ZMIZ1: variants seen among roughly 807,000 people sequenced by gnomAD.
ZMIZ1 encodes the protein zinc finger MIZ domain-containing protein 1.
A neutral mutation model predicts 113.9 loss-of-function variants in ZMIZ1; 17 were observed. The observed-to-expected ratio is 0.15, with a 90% CI of 0.10 to 0.22. ZMIZ1 has a LOEUF of 0.22. ZMIZ1 is among the 10% of genes least tolerant of loss of function. The pLI is 1.00. For synonymous variants in ZMIZ1, 607 were observed against 603.1 expected (o/e 1.01, Z -0.09); for missense variants, 1,059 against 1,477.8 (o/e 0.72, Z 4.65).
chr10:79,236,611 C>A (rs1302533899), intron 7 of ZMIZ1, among the ~76,000 whole-genome samples: 2 of 152,158 alleles, frequency 1.3e-5, no homozygotes, highest in Non-Finnish European at 2.9e-5. Context: ...CCTTTGTTAA[C>A]CAGCCTGAGC....
In ZMIZ1 at chr10:79,310,876, GCCT is replaced by G. The variant is rs1855102658; in HGVS notation, c.2836-43_2836-41del. The G allele has an allele frequency of 4.4e-6, 7 of 1,574,396 alleles. No individual in the cohort carries two copies. In the South Asian group the frequency reaches 8.0e-5, roughly 18 times the overall value. ...CATTTTCTCCAGGCATCATCGCCGT[GCCT>G]CCTCACCTCACCTCTCTTCTCTCCC... On this transcript the variant is annotated intron_variant, in intron 23 of 24. Transcript: ENST00000334512.
chr10:79,106,991 G>T (rs1010428735), intron 1 of ZMIZ1, among the ~76,000 whole-genome samples: 1 of 152,232 alleles, frequency 6.6e-6, no homozygotes, highest in African/African-American at 2.4e-5. Flanking sequence ...TAGCCCTCAT[G>T]ATCATGCTTT....
chr10:79,206,629 G>A (rs146101317), intron 5 of ZMIZ1, among the ~76,000 whole-genome samples: 4 of 152,236 alleles, frequency 2.6e-5, no homozygotes, highest in African/African-American at 9.6e-5. Context: ...CACTGCCTTT[G>A]CAGAAGGAGC....
intron 16 of ZMIZ1, 138 bp downstream of exon 16, chr10:79,299,329 G>A: frequency 7.8e-7 from 1 of 1,288,318 alleles, no homozygotes; most frequent in South Asian, 1.5e-5. Flanking sequence ...ATCATTGACT[G>A]GGCCCTGTCC....
intron 7 of ZMIZ1, among the ~76,000 whole-genome samples, chr10:79,218,080 T>C (rs907167182): frequency 6.6e-6 from 1 of 152,200 alleles, no homozygotes; most frequent in Non-Finnish European, 1.5e-5. Flanking sequence ...CCAAGCTTTT[T>C]TCCATCAAGG....
chr10:79,078,864 T>C (rs1319045774), intron 1 of ZMIZ1, among the ~76,000 whole-genome samples: 1 of 152,052 alleles, frequency 6.6e-6, no homozygotes, highest in Non-Finnish European at 1.5e-5. Context: ...CTTTTTTTAA[T>C]GCAAAATAAC....
chr10:79,255,060 G>A (rs769994362), intron 7 of ZMIZ1, among the ~76,000 whole-genome samples: 2 of 152,176 alleles, frequency 1.3e-5, no homozygotes, highest in African/African-American at 4.8e-5. Flanking sequence ...GCCTGTGGCC[G>A]CCCTGGGAGA....
intron 3 of ZMIZ1, among the ~76,000 whole-genome samples, chr10:79,146,944 ACG>A (rs1845513212): frequency 3.0e-5 from 2 of 65,656 alleles, no homozygotes; most frequent in Non-Finnish European, 5.6e-5. Flanking sequence ...TGTGTAGTGT[ACG>A]TGTGTGTGTG....
chr10:79,248,089 C>A (rs1048289469), intron 7 of ZMIZ1, among the ~76,000 whole-genome samples: 1 of 152,174 alleles, frequency 6.6e-6, no homozygotes, highest in Admixed American at 6.5e-5. Flanking sequence ...GTGCCACCAC[C>A]CGCATCTGGG....
At chr10:79,166,000 G>C (rs780158) in intron 4 of ZMIZ1, among the ~76,000 whole-genome samples, 11,637 of 114,210 alleles carry the variant, frequency 0.1, 1,972 homozygotes, top group African/African-American at 0.26. Flanking sequence ...GTGTGTGTGT[G>C]TGGGCTCTCC....
chr10:79,151,574 C>G (rs1845710670), intron 3 of ZMIZ1, among the ~76,000 whole-genome samples: 1 of 152,220 alleles, frequency 6.6e-6, no homozygotes, highest in Non-Finnish European at 1.5e-5. Context: ...ACCAGCTGGG[C>G]TTGGGAGGCC....
intron 3 of ZMIZ1, among the ~76,000 whole-genome samples, chr10:79,157,961 A>C (rs1589353302): frequency 7.2e-6 from 1 of 138,316 alleles, no homozygotes; most frequent in East Asian, 2.1e-4. Flanking sequence ...TGACAGTAGA[A>C]CAGCTCAGGC....
At chr10:79,157,182 C>A (rs1044927356) in intron 3 of ZMIZ1, among the ~76,000 whole-genome samples, 1 of 152,144 alleles carries the variant, frequency 6.6e-6, no homozygotes, top group Non-Finnish European at 1.5e-5. Flanking sequence ...GGCCTTTGCT[C>A]TCTGCTGAGC....
intron 1 of ZMIZ1, among the ~76,000 whole-genome samples, chr10:79,111,309 AG>A (rs1274934892): frequency 6.6e-6 from 1 of 152,154 alleles, no homozygotes; most frequent in Non-Finnish European, 1.5e-5. Context: ...CAGGCAAGGG[AG>A]GAGGCAGGCC....
intron 4 of ZMIZ1, among the ~76,000 whole-genome samples, chr10:79,184,782 T>A (rs1042294488): frequency 3.3e-5 from 5 of 152,202 alleles, no homozygotes; most frequent in African/African-American, 1.2e-4. Flanking sequence ...AGTTCCCCTG[T>A]GCCAGCCGCA....
intron 1 of ZMIZ1, among the ~76,000 whole-genome samples, chr10:79,080,369 C>T (rs1317953013): frequency 6.9e-6 from 1 of 145,852 alleles, no homozygotes; most frequent in Admixed American, 7.0e-5. Context: ...TTCAGTGGCA[C>T]GATCTCGGCT....
At chr10:79,259,522 A>G (rs1851129080) in intron 7 of ZMIZ1, among the ~76,000 whole-genome samples, 2 of 152,146 alleles carry the variant, frequency 1.3e-5, no homozygotes, top group Non-Finnish European at 1.5e-5. Flanking sequence ...ACATTCTTCC[A>G]TAGGAAAATT....
At position 79,296,813 on chromosome 10, in the gene ZMIZ1, G is replaced by A. The variant is rs1293723462; in HGVS notation, c.1413+160G>A. On this transcript the variant is annotated intron_variant, in intron 13 of 24. Coordinates refer to ENST00000334512, the MANE Select transcript of ZMIZ1 (RefSeq NM_020338.4). The surrounding 1 kb of genome is among the most constrained non-coding windows in gnomAD (Gnocchi z 4.1). ...TCCCCATGTGTTCAGGGCGAAGTTCGGTGGCCAGAATGTCAGAGTGGCTTT... is the reference window on the plus strand; with the variant it reads ...TCCCCATGTGTTCAGGGCGAAGTTCAGTGGCCAGAATGTCAGAGTGGCTTT... The A allele has an allele frequency of 8.9e-6, 5 of 561,748 alleles. No individual in the cohort carries two copies. Among genetic ancestry groups the A allele is most frequent in the Admixed American group, 8.0e-5 (2 of 25,084 alleles). The allele number at this position is 561,748 out of a possible 1,614,324, so 34.8% of individuals were successfully genotyped here. A position where few individuals can be genotyped will look rare whatever the true frequency, so the allele number is the denominator to read the frequency against.
chr10:79,305,483 A>G (rs200364362), intron 20 of ZMIZ1, 50 bp from the exon 21 acceptor site: 11 of 1,597,706 alleles, frequency 6.9e-6, no homozygotes, highest in Non-Finnish European at 6.9e-6. Context: ...CTTTGCCCCT[A>G]CCTCCTTGGG....
Sources: allele counts gnomAD v4.1 joint callset (sites outside exome capture counted in the v4.1 genomes callset), GRCh38; gene constraint gnomAD v4.1.1; non-coding constraint Gnocchi (gnomAD v3.1); transcripts MANE v1.5; gene names NCBI Gene and HGNC (gene_info 2026-07-23, HGNC 2026-07-21).